WNT2B: variants seen among roughly 807,000 people sequenced by gnomAD.
The protein encoded by WNT2B is Wnt family member 2B.
A neutral mutation model predicts 40.5 loss-of-function variants in WNT2B; 19 were observed. That is an observed-to-expected ratio of 0.47 (90% CI 0.33 to 0.69). The LOEUF is 0.69. Among genes scored for constraint, WNT2B ranks in the 30% least tolerant of loss-of-function variants. WNT2B has a pLI of 0.02. For missense variants in WNT2B, 467 were observed against 556.4 expected (o/e 0.84, Z 1.62); for synonymous variants, 220 against 211.9 (o/e 1.04, Z -0.33).
chr1:112,506,625 A>C (rs368897479), upstream of WNT2B, among the ~76,000 whole-genome samples: 14 of 152,224 alleles, frequency 9.2e-5, no homozygotes, highest in Admixed American at 3.3e-4. Flanking sequence ...GAGGAGGTAA[A>C]AGAGTGGTCC....
chr1:112,520,247 C>T, intron 4 of WNT2B, 33 bp from the exon 5 acceptor site: 4 of 1,593,944 alleles, frequency 2.5e-6, no homozygotes, highest in Non-Finnish European at 3.4e-6. Flanking sequence ...GAAGAGATAA[C>T]TTTGTTCTCA....
chr1:112,496,887 C>G (rs1430901544), intron 1 of WNT2B, among the ~76,000 whole-genome samples: 4 of 152,244 alleles, frequency 2.6e-5, no homozygotes, highest in African/African-American at 9.6e-5. Context: ...GCGTGAGCCA[C>G]TGTGCCCAGC....
At chr1:112,505,396 C>T (rs1317944728), upstream of WNT2B, among the ~76,000 whole-genome samples, 2 of 152,182 alleles carry the variant, frequency 1.3e-5, no homozygotes, top group Non-Finnish European at 2.9e-5. Flanking sequence ...GATACCCTGG[C>T]CAGTGTTGGG....
At chr1:112,512,372 G>A (rs182936434) in intron 1 of WNT2B, among the ~76,000 whole-genome samples, 37 of 152,346 alleles carry the variant, frequency 2.4e-4, no homozygotes, top group African/African-American at 8.7e-4. Flanking sequence ...AACCATGTGA[G>A]GATCATGGTG....
chr1:112,481,906 G>A (rs556077315), intron 1 of WNT2B, among the ~76,000 whole-genome samples: 3 of 152,122 alleles, frequency 2.0e-5, no homozygotes, highest in African/African-American at 7.2e-5. Context: ...CAGCACCTTG[G>A]GAGGCAGAGG....
intron 1 of WNT2B, among the ~76,000 whole-genome samples, chr1:112,469,785 T>C (rs1429590770): frequency 2.6e-5 from 4 of 152,144 alleles, no homozygotes; most frequent in Non-Finnish European, 5.9e-5. Flanking sequence ...GGCTAATTTT[T>C]GTATTTTTAG....
At chr1:112,486,293 A>G (rs1284125181) in intron 1 of WNT2B, among the ~76,000 whole-genome samples, 1 of 152,140 alleles carries the variant, frequency 6.6e-6, no homozygotes, top group Non-Finnish European at 1.5e-5. Flanking sequence ...AAAATTTTTA[A>G]TTAGTTGGGC....
chr1:112,509,511 A>C lies in WNT2B; in HGVS notation c.182+67A>C. 1 of 1,488,598 alleles carries C rather than the reference A, an allele frequency of 6.7e-7. No individual in the cohort carries two copies. The highest frequency in any genetic ancestry group is 8.8e-7 in the Non-Finnish European group (1 of 1,132,328). The allele number at this position is 1,488,598 out of a possible 1,614,324, so 92.2% of individuals were successfully genotyped here. ...GGAGAGGCCGGAGGCGCCTGGAGGGACTGGCTGCTCACGGGACCAGGCTGT... is the reference window on the plus strand; with the variant it reads ...GGAGAGGCCGGAGGCGCCTGGAGGGCCTGGCTGCTCACGGGACCAGGCTGT... On this transcript the variant is annotated intron_variant, in intron 1 of 4. Coordinates refer to ENST00000369684, the MANE Select transcript of WNT2B (RefSeq NM_024494.3). This position sits in a 1 kb window ranked among gnomAD's most constrained non-coding sequence, Gnocchi z 4.2.
At position 112,525,271 on chromosome 1, in the gene WNT2B, G is replaced by C. The variant is rs1383181070; in HGVS notation, c.*4762G>C. On this transcript the variant is annotated 3_prime_UTR_variant, in exon 5 of 5. Transcript: ENST00000369684. ...GATTCCAGGGATGATCTCCATAAGA[G>C]AGAAGCACTGGAAAAGACCAAGTGG... is the stretch of plus-strand genomic sequence containing the variant. 1 of 152,220 alleles carries C rather than the reference G, an allele frequency of 6.6e-6. No individual in the cohort carries two copies. Among genetic ancestry groups the C allele is most frequent in the Non-Finnish European group, 1.5e-5 (1 of 68,040 alleles). The allele number at this position is 152,220 out of a possible 1,614,324, so 9.4% of individuals were successfully genotyped here. A position where few individuals can be genotyped will look rare whatever the true frequency, so the allele number is the denominator to read the frequency against.
At chr1:112,496,910 T>C (rs1651794440) in intron 1 of WNT2B, among the ~76,000 whole-genome samples, 1 of 152,194 alleles carries the variant, frequency 6.6e-6, no homozygotes, top group Non-Finnish European at 1.5e-5. Flanking sequence ...AGGACTTACA[T>C]TTCTAGTCCA....
rs1557926823 is a variant in WNT2B, at chr1:112,522,708, AG to A, written c.*2203del. On this transcript the variant is annotated 3_prime_UTR_variant, in exon 5 of 5. Transcript: ENST00000369684. ...GTTTAGGGTGGTTTTTCTTTTGGTGAGGGGATTTGCTCTGGTTTCACATCCA... is the reference window on the plus strand; with the variant it reads ...GTTTAGGGTGGTTTTTCTTTTGGTGAGGGATTTGCTCTGGTTTCACATCCA... 1 of 152,236 alleles carries A rather than the reference AG, an allele frequency of 6.6e-6. No individual in the cohort carries two copies. The highest frequency in any genetic ancestry group is 1.5e-5 in the Non-Finnish European group (1 of 68,124). The allele number at this position is 152,236 out of a possible 1,614,324, so 9.4% of individuals were successfully genotyped here.
chr1:112,469,025 T>G (rs1650791813), intron 1 of WNT2B, among the ~76,000 whole-genome samples: 1 of 152,212 alleles, frequency 6.6e-6, no homozygotes, highest in Non-Finnish European at 1.5e-5. Context: ...GTGCATATGG[T>G]TATTCAGTTT....
chr1:112,488,583 G>A (rs189950679), intron 1 of WNT2B, among the ~76,000 whole-genome samples: 9 of 142,808 alleles, frequency 6.3e-5, no homozygotes, highest in South Asian at 2.2e-4. Context: ...ATAGAGTCTC[G>A]CTCTGTCGCC....
intron 1 of WNT2B, among the ~76,000 whole-genome samples, chr1:112,514,502 T>C (rs1652458954): frequency 6.6e-6 from 1 of 152,182 alleles, no homozygotes; most frequent in African/African-American, 2.4e-5. Flanking sequence ...CTTATTTTGT[T>C]AGTTTATGTT....
chr1:112,498,127 C>G (rs1254565718), intron 1 of WNT2B, among the ~76,000 whole-genome samples: 5 of 150,896 alleles, frequency 3.3e-5, no homozygotes, highest in Admixed American at 1.3e-4. Context: ...CTCCTTGTGT[C>G]CAACTCCCAC....
At chr1:112,499,103 G>A (rs1413551297) in intron 1 of WNT2B, among the ~76,000 whole-genome samples, 1 of 151,724 alleles carries the variant, frequency 6.6e-6, no homozygotes, top group African/African-American at 2.4e-5. Context: ...TTACTAAGGA[G>A]GCTGAGGCAG....
At chr1:112,467,835 C>T (rs1650750990) in intron 1 of WNT2B, among the ~76,000 whole-genome samples, 1 of 152,178 alleles carries the variant, frequency 6.6e-6, no homozygotes, top group Admixed American at 6.5e-5. Flanking sequence ...CTTCTAGTTA[C>T]TTTGAAACAT....
intron 4 of WNT2B, among the ~76,000 whole-genome samples, chr1:112,518,894 C>T (rs139387353): frequency 6.6e-6 from 1 of 152,212 alleles, no homozygotes; most frequent in Admixed American, 6.5e-5. Flanking sequence ...TTTCCTATCT[C>T]TGTTGTCCAA....
Position 112,515,179 on chromosome 1 carries a change from C to T in WNT2B, c.403+85C>T, listed in dbSNP as rs1652483057. 2 of 1,426,572 alleles carry T rather than the reference C, an allele frequency of 1.4e-6. No homozygotes were observed. The highest frequency in any genetic ancestry group is 2.8e-5 in the African/African-American group (2 of 70,808). The allele number at this position is 1,426,572 out of a possible 1,614,324, so 88.4% of individuals were successfully genotyped here. ...GGGAAGAGTAGGCAAGATCTCCCCT[C>T]TCCTCTCCCACACACTGTTTCATCA... On this transcript the variant is annotated intron_variant, in intron 2 of 4. Coordinates refer to ENST00000369684, the MANE Select transcript of WNT2B (RefSeq NM_024494.3). This position sits in a 1 kb window ranked among gnomAD's most constrained non-coding sequence, Gnocchi z 4.4.
Sources: gnomAD v4.1 joint callset for allele counts (sites outside exome capture counted in the v4.1 genomes callset) on GRCh38, gnomAD v4.1.1 for gene constraint, Gnocchi (gnomAD v3.1) non-coding constraint, MANE v1.5 for transcripts, NCBI Gene and HGNC (gene_info 2026-07-23, HGNC 2026-07-21) for gene names.